The following MYO1D variants were observed in gnomAD, a reference collection of about 807,000 sequenced individuals.
MYO1D encodes the protein unconventional myosin-Id.
MYO1D carries 83 observed loss-of-function variants against 122.0 expected under a neutral mutation model. The observed-to-expected ratio is 0.68, with a 90% CI of 0.57 to 0.82. The LOEUF (loss-of-function observed/expected upper bound fraction) is 0.82. MYO1D is among the 40% of genes least tolerant of loss of function. MYO1D has a pLI of 0.00. For missense variants in MYO1D, 1,157 were observed against 1,269.5 expected, an observed-to-expected ratio of 0.91 and a Z score of 1.35; for synonymous variants, 464 against 446.9, an observed-to-expected ratio of 1.04 and a Z score of -0.48.
chr17:32,501,310 G>A (rs1567868021), intron 21 of MYO1D, among the ~76,000 whole-genome samples: 1 of 152,160 alleles, frequency 6.6e-6, no homozygotes, highest in Non-Finnish European at 1.5e-5. Flanking sequence ...TTAGGCCTCA[G>A]AAGCCTCAGA....
chr17:32,693,057 G>A (rs2089124118), intron 16 of MYO1D, among the ~76,000 whole-genome samples: 1 of 152,130 alleles, frequency 6.6e-6, no homozygotes, highest in Non-Finnish European at 1.5e-5. Flanking sequence ...GCTTTTGATT[G>A]TATACATCTT....
chr17:32,557,261 G>C lies in MYO1D; in HGVS notation c.2864+47826C>G, dbSNP rs146927210. On this transcript the variant is annotated intron_variant, in intron 21 of 21. Coordinates refer to ENST00000318217, the MANE Select transcript of MYO1D (RefSeq NM_015194.3). ...AGCCTCCTGAGTAGCTGGGATTACA[G>C]ATGCCCGCTACCACGCCCGGCTAAT... Among the ~76,000 whole-genome samples the C allele has an allele frequency of 2.1e-3, 326 of 151,846 alleles. 4 individuals are homozygous for C. The East Asian group carries it at 0.042, about 20-fold the overall frequency.
intron 21 of MYO1D, among the ~76,000 whole-genome samples, chr17:32,568,859 A>T (rs403484): frequency 5.9e-5 from 9 of 151,950 alleles, no homozygotes; most frequent in Middle Eastern, 3.4e-3. Flanking sequence ...GCACCTACTC[A>T]CTGGAATTAC....
chr17:32,629,734 A>G (rs1266462750), intron 20 of MYO1D, among the ~76,000 whole-genome samples: 1 of 36,484 alleles, frequency 2.7e-5, no homozygotes, highest in Non-Finnish European at 5.2e-5. Flanking sequence ...TCATCTCAAG[A>G]AAAAAAAAAA....
intron 21 of MYO1D, among the ~76,000 whole-genome samples, chr17:32,553,211 A>G (rs1259389322): frequency 1.3e-5 from 2 of 152,116 alleles, no homozygotes; most frequent in Admixed American, 1.3e-4. Context: ...TCCTTAGAGG[A>G]GCCTGAAAAG....
chr17:32,686,356 A>G (rs940475281), intron 16 of MYO1D: 1 of 152,248 alleles, frequency 6.6e-6, no homozygotes, highest in African/African-American at 2.4e-5. Context: ...GAAGCAAGGA[A>G]TAGATTTTCC....
chr17:32,566,835 GCTT>G (rs1283606931), intron 21 of MYO1D, among the ~76,000 whole-genome samples: 1 of 148,316 alleles, frequency 6.7e-6, no homozygotes, highest in Non-Finnish European at 1.5e-5. Context: ...TCTCTTTTAA[GCTT>G]CTTTTTAACC....
chr17:32,809,668 G>T (rs1440677793), intron 1 of MYO1D, among the ~76,000 whole-genome samples: 1 of 152,050 alleles, frequency 6.6e-6, no homozygotes, highest in Admixed American at 6.6e-5. Context: ...CAAACTCCTG[G>T]CCTCAATTAA....
chr17:32,873,677 C>T (rs2091202602), intron 1 of MYO1D, among the ~76,000 whole-genome samples: 1 of 152,080 alleles, frequency 6.6e-6, no homozygotes, highest in Non-Finnish European at 1.5e-5. Flanking sequence ...AGGGTGCTAC[C>T]CTTTGCTGGC....
At chr17:32,592,108 CA>C (rs771003561) in intron 21 of MYO1D, among the ~76,000 whole-genome samples, 2 of 152,310 alleles carry the variant, frequency 1.3e-5, no homozygotes, top group African/African-American at 4.8e-5. Context: ...ACCCTTATGT[CA>C]AGGGCTGACT....
At chr17:32,667,879 T>G (rs1244500848) in intron 16 of MYO1D, among the ~76,000 whole-genome samples, 3 of 152,214 alleles carry the variant, frequency 2.0e-5, no homozygotes, top group Non-Finnish European at 2.9e-5. Context: ...TGACATGATC[T>G]GACAGCCTCC....
At position 32,767,517 on chromosome 17, in the gene MYO1D, A is replaced by C. The variant is rs150329760; in HGVS notation, c.831+119T>G. The C allele has an allele frequency of 2.3e-3, 1,434 of 621,868 alleles. 14 individuals carry two copies. In the African/African-American group the frequency reaches 0.024, roughly 10 times the overall value. 38.5% of individuals were successfully genotyped at this position (621,868 alleles called of 1,614,324 possible). A position where few individuals can be genotyped will look rare whatever the true frequency, so the allele number is the denominator to read the frequency against. On this transcript the variant is annotated intron_variant, in intron 7 of 21. Transcript: ENST00000318217. ...ACCACAGACATAGTAATTTCTTCAAAATACGTACAAAATTTTCTCTGAATA... is the reference window on the plus strand; with the variant it reads ...ACCACAGACATAGTAATTTCTTCAACATACGTACAAAATTTTCTCTGAATA...
At chr17:32,603,007 A>G (rs1372629044) in intron 21 of MYO1D, among the ~76,000 whole-genome samples, 1 of 152,126 alleles carries the variant, frequency 6.6e-6, no homozygotes, top group Non-Finnish European at 1.5e-5. Context: ...GGGGTCTGGG[A>G]GGAAAGATTT....
chr17:32,676,278 C>T (rs1428652784), intron 16 of MYO1D, among the ~76,000 whole-genome samples: 2 of 150,606 alleles, frequency 1.3e-5, no homozygotes, highest in African/African-American at 4.9e-5. Flanking sequence ...GATTAAACTG[C>T]TTTAATTAGG....
intron 1 of MYO1D, among the ~76,000 whole-genome samples, chr17:32,834,288 T>A (rs2090801199): frequency 6.6e-6 from 1 of 152,182 alleles, no homozygotes; most frequent in Admixed American, 6.5e-5. Flanking sequence ...ATTATTCCAG[T>A]CACTGGAAAA....
chr17:32,691,820 G>T (rs902036567), intron 16 of MYO1D, among the ~76,000 whole-genome samples: 23 of 152,006 alleles, frequency 1.5e-4, no homozygotes, highest in Admixed American at 6.6e-5. Flanking sequence ...TAGATTTTTT[G>T]GAAACACATT....
intron 21 of MYO1D, among the ~76,000 whole-genome samples, chr17:32,591,008 C>T (rs1010057957): frequency 1.3e-5 from 2 of 152,210 alleles, no homozygotes; most frequent in East Asian, 1.9e-4. Context: ...ATGAACACGT[C>T]ACAAAGCAAA....
chr17:32,823,692 A>T lies in MYO1D; in HGVS notation c.96-42908T>A, dbSNP rs1351659744. On this transcript the variant is annotated intron_variant, in intron 1 of 21. Coordinates refer to ENST00000318217, the MANE Select transcript of MYO1D (RefSeq NM_015194.3). ...TTATAAAAGTAACTACTAGGAAAAA[A>T]CCTAATTTTAGATGTTCAAATTATC... is the stretch of plus-strand genomic sequence containing the variant. Among the ~76,000 whole-genome samples, 5 of 152,280 alleles carry T rather than the reference A, an allele frequency of 3.3e-5. No homozygotes were observed. The Middle Eastern group carries it at 0.01, about 311-fold the overall frequency.
At chr17:32,857,415 C>T (rs1172081039) in intron 1 of MYO1D, among the ~76,000 whole-genome samples, 1 of 152,070 alleles carries the variant, frequency 6.6e-6, no homozygotes, top group East Asian at 1.9e-4. Context: ...GAAACCCCAT[C>T]TCTACTAAAA....
Sources: gnomAD v4.1 joint callset for allele counts (sites outside exome capture counted in the v4.1 genomes callset) on GRCh38, gnomAD v4.1.1 for gene constraint, MANE v1.5 for transcripts, NCBI Gene and HGNC (gene_info 2026-07-23, HGNC 2026-07-21) for gene names.